Variants in LRP2 observed in about 807,000 individuals in gnomAD.
LRP2 encodes the protein LDL receptor related protein 2.
A neutral mutation model predicts 531.0 loss-of-function variants in LRP2; 172 were observed. The ratio of observed to expected loss-of-function variants is 0.32; its 90% CI spans 0.29 to 0.37. The LOEUF (loss-of-function observed/expected upper bound fraction) is 0.37, where lower values mean the gene tolerates loss of function less well. LRP2 is among the 10% of genes least tolerant of loss of function. The pLI, the probability that LRP2 is intolerant of heterozygous loss-of-function variation, is 1.00. For synonymous variants in LRP2, 1,992 were observed against 2,027.6 expected, an observed-to-expected ratio of 0.98 and a Z score of 0.47; for missense variants, 5,167 against 5,868.3, an observed-to-expected ratio of 0.88 and a Z score of 3.90.
rs145687224 is a variant in LRP2 at position 169,211,461 on chromosome 2, C to T, written c.6280+507G>A. On this transcript the variant is annotated intron_variant, in intron 37 of 78. Coordinates refer to ENST00000649046, the MANE Select transcript of LRP2 (RefSeq NM_004525.3). ...ACTGACACTGTGAACTCTTTTGCTT[C>T]AATTCACCAAATATATATTAATAAA... is the stretch of plus-strand genomic sequence containing the variant. 5.2e-3 allele frequency among the ~76,000 whole-genome samples: 796 copies of T among 152,310 alleles called. 4 individuals are homozygous for T. Among genetic ancestry groups the T allele is most frequent in the Non-Finnish European group, 8.3e-3 (567 of 68,022 alleles).
chr2:169,173,319 G>T (rs1687070183), intron 56 of LRP2, 95 bp from the exon 57 acceptor site: 2 of 1,491,766 alleles, frequency 1.3e-6, no homozygotes, highest in South Asian at 2.3e-5. Context: ...GAATAACAAT[G>T]ACCATGTTAC....
chr2:169,225,868 G>C (rs1689183422), intron 32 of LRP2, among the ~76,000 whole-genome samples: 2 of 152,248 alleles, frequency 1.3e-5, no homozygotes, highest in South Asian at 4.1e-4. Context: ...TTCCCTGAAG[G>C]CTGAAGAAAA....
intron 43 of LRP2, 127 bp downstream of exon 43, chr2:169,202,629 T>A (rs1688240571): frequency 1.1e-6 from 1 of 948,230 alleles, no homozygotes; most frequent in Admixed American, 1.9e-5. Context: ...GAGGAAACAT[T>A]TTTCAGCTCT....
intron 17 of LRP2, among the ~76,000 whole-genome samples, chr2:169,257,984 T>C (rs188826432): frequency 6.6e-6 from 1 of 152,226 alleles, no homozygotes; most frequent in African/African-American, 2.4e-5. Flanking sequence ...AGGAAAGGAA[T>C]TCAACAGTTT....
intron 25 of LRP2, 122 bp from the exon 26 acceptor site, chr2:169,239,897 G>C (rs1295367575): frequency 2.4e-6 from 2 of 833,648 alleles, no homozygotes; most frequent in Middle Eastern, 2.7e-4. Context: ...CCAGACAAGA[G>C]CTAAGTGCAG....
chr2:169,158,300 T>C (rs1460882311), intron 63 of LRP2, among the ~76,000 whole-genome samples: 2 of 152,066 alleles, frequency 1.3e-5, no homozygotes, highest in African/African-American at 2.4e-5. Flanking sequence ...TGAGAAGGAA[T>C]ATGCAGTATA....
chr2:169,157,241 T>C, intron 64 of LRP2, 130 bp downstream of exon 64: 1 of 1,002,996 alleles, frequency 1.0e-6, no homozygotes, highest in Non-Finnish European at 1.5e-6. Context: ...TTTAATGACC[T>C]AGAACCATGA....
chr2:169,181,902 C>T (rs141175878), intron 51 of LRP2, among the ~76,000 whole-genome samples: 3 of 152,260 alleles, frequency 2.0e-5, no homozygotes, highest in Non-Finnish European at 4.4e-5. Flanking sequence ...TTTTCTGAAA[C>T]CACAGTTTTC....
At chr2:169,202,623 A>C in intron 43 of LRP2, 133 bp downstream of exon 43, 1 of 883,614 alleles carries the variant, frequency 1.1e-6, no homozygotes, top group Non-Finnish European at 1.9e-6. Context: ...TTATCAGAGG[A>C]AACATTTTTC....
Position 169,279,579 on chromosome 2 carries a change from A to T in LRP2, c.1358T>A (p.Ile453Asn). ...AACCTCTTGGATATTTAAACCATTA[A>T]TGTCAACTGAAAAAACCTGAAAGAA... ...TVQNKVFSVD[I>N]NGLNIQEVLN... Residue 453 changes from isoleucine (I) to asparagine (N), a missense_variant, in exon 12 of 79, where the codon ATT becomes AAT. Around this residue, in one of 6 missense-constraint regions of LRP2, gnomAD observed 2,811 missense variants for 3,058.0 expected, o/e 0.92. Transcript: ENST00000649046. 2 of 1,612,168 alleles carry T rather than the reference A, an allele frequency of 1.2e-6. No homozygotes were observed. The highest frequency in any genetic ancestry group is 1.7e-6 in the Non-Finnish European group (2 of 1,178,430).
Position 169,140,502 on chromosome 2 carries a change from C to T in LRP2, c.13152G>A (p.Met4384Ile), listed in dbSNP as rs1685680610. 1 of 1,614,112 alleles carries T rather than the reference C, an allele frequency of 6.2e-7. No individual in the cohort carries two copies. The highest frequency in any genetic ancestry group is 8.5e-7 in the Non-Finnish European group (1 of 1,179,990). Reference protein sequence around the residue: ...PINLPPPCRCMHGGNCYFDET... With the variant: ...PINLPPPCRCIHGGNCYFDET... ...CATCAAAATAGCAATTTCCTCCGTG[C>T]ATGCACCTGCATGGGGGGGGCAGGT... is the stretch of plus-strand genomic sequence containing the variant. Residue 4384 changes from methionine (M) to isoleucine (I), a missense_variant, in exon 72 of 79, where the codon ATG (methionine) becomes ATA (isoleucine). By Grantham distance (10) the Met-to-Ile change is conservative (BLOSUM62 1). Around this residue, in one of 6 missense-constraint regions of LRP2, gnomAD observed 348 missense variants for 369.3 expected, o/e 0.94. Coordinates refer to ENST00000649046, the MANE Select transcript of LRP2 (RefSeq NM_004525.3).
intron 52 of LRP2, among the ~76,000 whole-genome samples, chr2:169,179,717 T>C (rs1687354395): frequency 2.0e-5 from 2 of 100,916 alleles, no homozygotes; most frequent in South Asian, 3.6e-4. Flanking sequence ...CGAATTTCCA[T>C]CTCAAAAAAA....
rs531584856 is a variant in LRP2, at chr2:169,205,883, C to T, written c.7556+140G>A. The T allele has an allele frequency of 5.0e-6, 6 of 1,202,600 alleles. No homozygotes were observed. In the African/African-American group the frequency reaches 6.0e-5, roughly 12 times the overall value. 74.5% of individuals were successfully genotyped at this position (1,202,600 alleles called of 1,614,324 possible). ...GCACCCTCCTTCCCACGTAAAATCACTCAATATGCTTTCATTTTTGAATCT... is the reference window on the plus strand; with the variant it reads ...GCACCCTCCTTCCCACGTAAAATCATTCAATATGCTTTCATTTTTGAATCT... On this transcript the variant is annotated intron_variant, in intron 40 of 78. Transcript: ENST00000649046.
chr2:169,139,666 A>C (rs1423905715), intron 72 of LRP2, 56 bp from the exon 73 acceptor site: 7 of 1,482,100 alleles, frequency 4.7e-6, no homozygotes, highest in Non-Finnish European at 6.6e-6. Flanking sequence ...CTTCTACTGC[A>C]TTTTTCTGAG....
At chr2:169,170,034 T>C (rs1686937240) in intron 59 of LRP2, among the ~76,000 whole-genome samples, 1 of 152,204 alleles carries the variant, frequency 6.6e-6, no homozygotes, top group Non-Finnish European at 1.5e-5. Flanking sequence ...CTCCCTAATA[T>C]TAAATAATCT....
chr2:169,295,622 C>G (rs1684116354), intron 4 of LRP2, among the ~76,000 whole-genome samples: 1 of 152,108 alleles, frequency 6.6e-6, no homozygotes, highest in African/African-American at 2.4e-5. Flanking sequence ...GATCAAGGAT[C>G]CTGTCTTACT....
intron 47 of LRP2, among the ~76,000 whole-genome samples, chr2:169,193,428 C>CA (rs1166288828): frequency 0.17 from 10,592 of 61,696 alleles, 744 homozygotes; most frequent in African/African-American, 0.31. Context: ...AAGACCTTGT[C>CA]AAAAAAAAAA....
intron 37 of LRP2, among the ~76,000 whole-genome samples, chr2:169,211,125 C>G (rs1267707070): frequency 6.6e-6 from 1 of 152,184 alleles, no homozygotes; most frequent in Non-Finnish European, 1.5e-5. Flanking sequence ...CATGGGTCCA[C>G]GTGAACATGA....
intron 70 of LRP2, among the ~76,000 whole-genome samples, chr2:169,144,847 T>C (rs530785648): frequency 6.6e-6 from 1 of 152,262 alleles, no homozygotes; most frequent in East Asian, 1.9e-4. Context: ...GAGTAACTTG[T>C]CAAAGGCCAC....
Sources: gnomAD v4.1 joint callset for allele counts (sites outside exome capture counted in the v4.1 genomes callset) on GRCh38, gnomAD v4.1.1 for gene constraint, gnomAD v4.1.1 regional missense constraint, MANE v1.5 for transcripts, NCBI Gene and HGNC (gene_info 2026-07-23, HGNC 2026-07-21) for gene names.